TRANK1: variants seen among roughly 807,000 people sequenced by gnomAD.
TRANK1 encodes TPR and ankyrin repeat-containing protein 1.
Under a neutral mutation model 266.0 loss-of-function variants are expected in TRANK1, and 198 were observed. The ratio of observed to expected loss-of-function variants is 0.74; its 90% CI spans 0.66 to 0.84. TRANK1 has a LOEUF of 0.84. Ranked by LOEUF, TRANK1 falls within the 40% of genes least tolerant of loss-of-function variation. TRANK1 has a pLI of 0.00. For missense variants in TRANK1, 3,326 were observed against 3,634.6 expected, an observed-to-expected ratio of 0.92 and a Z score of 2.18; for synonymous variants, 1,396 against 1,384.1, an observed-to-expected ratio of 1.01 and a Z score of -0.19.
intron 1 of TRANK1, among the ~76,000 whole-genome samples, chr3:36,930,294 C>T (rs990488143): frequency 2.0e-5 from 3 of 152,102 alleles, no homozygotes; most frequent in East Asian, 1.9e-4. Context: ...TCCCAGCTGA[C>T]GGTAAGAAAA....
chr3:36,863,766 T>G (rs1405601483), intron 10 of TRANK1, among the ~76,000 whole-genome samples: 1 of 152,222 alleles, frequency 6.6e-6, no homozygotes, highest in Non-Finnish European at 1.5e-5. Context: ...TACTATCATC[T>G]GCTGCACACC....
chr3:36,867,516 A>G (rs1217923284), intron 9 of TRANK1, among the ~76,000 whole-genome samples: 2 of 152,250 alleles, frequency 1.3e-5, no homozygotes, highest in Non-Finnish European at 2.9e-5. Flanking sequence ...CTAAATACTG[A>G]CAAATGGTAT....
chr3:36,903,129 T>A lies in TRANK1; in HGVS notation c.282+20A>T. 6.5e-7 allele frequency: 1 copy of A among 1,534,914 alleles called. No individual in the cohort carries two copies. Among genetic ancestry groups the A allele is most frequent in the East Asian group, 2.4e-5 (1 of 40,854 alleles). ...TACTCTCAAGTCATCTCCCCACACC[T>A]TCACCCTCCCACCCCATACCTTCAC... On this transcript the variant is annotated intron_variant, in intron 3 of 23. Transcript: ENST00000645898.
At chr3:36,847,905 A>T (rs2078936789) in intron 15 of TRANK1, among the ~76,000 whole-genome samples, 1 of 152,206 alleles carries the variant, frequency 6.6e-6, no homozygotes, top group Non-Finnish European at 1.5e-5. Context: ...ATAAAATGAG[A>T]ATAATAATAC....
At chr3:36,919,603 A>G (rs548984048) in intron 1 of TRANK1, among the ~76,000 whole-genome samples, 1 of 152,214 alleles carries the variant, frequency 6.6e-6, no homozygotes, top group African/African-American at 2.4e-5. Flanking sequence ...TATGTCTTTC[A>G]GTGAGTTATT....
Position 36,832,237 on chromosome 3 carries a change from A to G in TRANK1, c.7346T>C (p.Ile2449Thr), listed in dbSNP as rs764396806. Residue 2449 changes from isoleucine to threonine, a missense_variant, in exon 22 of 24, where the codon ATT (isoleucine) becomes ACT (threonine). Ile to Thr is a moderately conservative substitution (Grantham distance 89). Transcript: ENST00000645898. The part of the protein sequence containing the change: ...KRCKEPLIPS[I>T]GNTVALLEFQ... The stretch of plus-strand genomic sequence containing the variant: ...CTCCAGGAGGGCTACTGTGTTTCCA[A>G]TGCTGGGGATGAGTGGTTCTTTGCA... The G allele has an allele frequency of 2.0e-5, 32 of 1,613,848 alleles. No homozygotes were observed. In the East Asian group the frequency reaches 5.1e-4, roughly 26 times the overall value.
rs1206228891 is a variant in TRANK1 at position 36,836,044 on chromosome 3, A to T, written c.5518-1137T>A. Among the ~76,000 whole-genome samples the T allele has an allele frequency of 6.6e-5, 10 of 152,340 alleles. No homozygotes were observed. In the East Asian group the frequency reaches 1.7e-3, roughly 26 times the overall value. On this transcript the variant is annotated intron_variant, in intron 20 of 23. Transcript: ENST00000645898. ...CTCAACTTTACTGACAATCAGAAGA[A>T]TACAAATTAAAGCCACAGTGAAATA... is the stretch of plus-strand genomic sequence containing the variant.
chr3:36,838,130 T>TA (rs1476624256), intron 20 of TRANK1, among the ~76,000 whole-genome samples: 11 of 152,206 alleles, frequency 7.2e-5, no homozygotes, highest in Admixed American at 1.3e-4. Context: ...AGGCCCTGAA[T>TA]ATTAACACAG....
chr3:36,895,706 TG>T lies in TRANK1; in HGVS notation c.485del (p.Thr162LysfsTer12). 1 of 1,536,678 alleles carries T rather than the reference TG, an allele frequency of 6.5e-7. No homozygotes were observed. The highest frequency in any genetic ancestry group is 8.7e-7 in the Non-Finnish European group (1 of 1,146,764). On this transcript the variant is annotated frameshift_variant, in exon 5 of 24. Coordinates refer to ENST00000645898, the MANE Select transcript of TRANK1 (RefSeq NM_001329998.2). LOFTEE classifies it high-confidence loss of function. ...SFLPCFDHIF[T>X]TGFPTEVWQS... ...GCCACACTTCTGTTGGGAATCCAGTTGTGAAAATATGATCAAAGCAAGGCAA... is the reference window on the plus strand; with the variant it reads ...GCCACACTTCTGTTGGGAATCCAGTTTGAAAATATGATCAAAGCAAGGCAA...
intron 1 of TRANK1, among the ~76,000 whole-genome samples, chr3:36,926,513 G>T (rs531544013): frequency 6.6e-6 from 1 of 152,132 alleles, no homozygotes; most frequent in South Asian, 2.1e-4. Context: ...ATCATCCACC[G>T]TGACAAAGCA....
At chr3:36,926,462 G>C (rs1472894504) in intron 1 of TRANK1, among the ~76,000 whole-genome samples, 1 of 152,206 alleles carries the variant, frequency 6.6e-6, no homozygotes, top group Middle Eastern at 3.4e-3. Flanking sequence ...CAAAAACACA[G>C]GTCTAGGAGA....
At chr3:36,901,029 AGT>A (rs1299850523) in intron 3 of TRANK1, among the ~76,000 whole-genome samples, 1 of 151,478 alleles carries the variant, frequency 6.6e-6, no homozygotes, top group Non-Finnish European at 1.5e-5. Context: ...AGGAAAAAAA[AGT>A]GTGTTTCGTT....
chr3:36,867,690 A>C (rs1170074705), intron 9 of TRANK1, among the ~76,000 whole-genome samples: 1 of 152,274 alleles, frequency 6.6e-6, no homozygotes, highest in East Asian at 1.9e-4. Flanking sequence ...GTAAGTACTG[A>C]ACAACAAAAG....
At chr3:36,911,264 T>C (rs1381578931) in intron 1 of TRANK1, among the ~76,000 whole-genome samples, 1 of 152,258 alleles carries the variant, frequency 6.6e-6, no homozygotes, top group African/African-American at 2.4e-5. Context: ...ACATAAAATG[T>C]ATTGAAAATA....
chr3:36,939,484 A>G (rs555097213), intron 1 of TRANK1, among the ~76,000 whole-genome samples: 1 of 152,346 alleles, frequency 6.6e-6, no homozygotes, highest in East Asian at 1.9e-4. Context: ...GAGAAAATCC[A>G]GAAATCTGGG....
rs542929656 is a variant in TRANK1, at chr3:36,931,885, G to T, written c.23+12902C>A. 1.7e-4 allele frequency among the ~76,000 whole-genome samples: 26 copies of T among 152,264 alleles called. No individual in the cohort carries two copies. In the South Asian group the frequency reaches 5.2e-3, roughly 30 times the overall value. On this transcript the variant is annotated intron_variant, in intron 1 of 23. Transcript: ENST00000645898. ...GCTATGATTGCACCGCTGCACTGCA[G>T]CCTAGGTGACAGAGCAGGAAAATCT...
At chr3:36,898,801 A>G (rs1356959265) in intron 4 of TRANK1, among the ~76,000 whole-genome samples, 3 of 151,820 alleles carry the variant, frequency 2.0e-5, no homozygotes, top group Non-Finnish European at 2.9e-5. Flanking sequence ...CAGTGAGCCA[A>G]GATCGCATCA....
At chr3:36,917,794 T>C (rs1402497691) in intron 1 of TRANK1, among the ~76,000 whole-genome samples, 2 of 152,190 alleles carry the variant, frequency 1.3e-5, no homozygotes, top group African/African-American at 2.4e-5. Flanking sequence ...AGTAAAAATG[T>C]TTACTCTTTT....
At position 36,833,339 on chromosome 3, in the gene TRANK1, C is replaced by G; in HGVS notation, c.6244G>C (p.Gly2082Arg). ...ATTTCCAAGCCCCCTGGAGCCAGGCCCAGAATCTTCTCAGGCTCGGCCTCA... is the reference window on the plus strand; with the variant it reads ...ATTTCCAAGCCCCCTGGAGCCAGGCGCAGAATCTTCTCAGGCTCGGCCTCA... ...QCEAEPEKIL[G>R]LAPGGLEILL... Residue 2082 changes from glycine (G) to arginine (R), a missense_variant, in exon 22 of 24, where the codon GGC becomes CGC. Transcript: ENST00000645898. The G allele has an allele frequency of 6.2e-7, 1 of 1,613,922 alleles. No homozygotes were observed. The highest frequency in any genetic ancestry group is 8.5e-7 in the Non-Finnish European group (1 of 1,179,846).
Sources: allele counts gnomAD v4.1 joint callset (sites outside exome capture counted in the v4.1 genomes callset), GRCh38; gene constraint gnomAD v4.1.1; transcripts MANE v1.5; gene names NCBI Gene and HGNC (gene_info 2026-07-23, HGNC 2026-07-21).